TENM3: variants seen among roughly 807,000 people sequenced by gnomAD.
TENM3 encodes the protein teneurin transmembrane protein 3, also known as teneurin-3.
In TENM3, 63 loss-of-function variants were observed where a neutral mutation model predicts 255.1. The ratio of observed to expected loss-of-function variants is 0.25; its 90% CI spans 0.20 to 0.30. TENM3 has a LOEUF of 0.30. TENM3 is among the 10% of genes least tolerant of loss of function. TENM3 has a pLI of 1.00. For synonymous variants in TENM3, 1,306 were observed against 1,322.3 expected, an observed-to-expected ratio of 0.99 and a Z score of 0.27; for missense variants, 2,929 against 3,461.1, an observed-to-expected ratio of 0.85 and a Z score of 3.86.
chr4:181,987,285 G>A, the TENM3 span, among the ~76,000 whole-genome samples: 6 of 152,050 alleles, frequency 3.9e-5, no homozygotes, highest in Non-Finnish European at 8.8e-5. Context: ...TGGCAATCAG[G>A]AAATATGAAC....
chr4:182,779,052 CTTTTCT>C (rs1561241044), intron 24 of TENM3, among the ~76,000 whole-genome samples: 48 of 112,054 alleles, frequency 4.3e-4, no homozygotes, highest in African/African-American at 2.3e-3. Context: ...TTTTTTTTTC[CTTTTCT>C]TTTTTTTTTT....
At chr4:182,076,812 G>A in the TENM3 span, among the ~76,000 whole-genome samples, 6 of 152,150 alleles carry the variant, frequency 3.9e-5, no homozygotes, top group Admixed American at 6.5e-5. Context: ...AAAAGCAGCC[G>A]TAGACGAGAT....
At chr4:182,788,953 T>C in intron 24 of TENM3, 140 bp from the exon 25 acceptor site, 2 of 690,240 alleles carry the variant, frequency 2.9e-6, no homozygotes, top group Middle Eastern at 4.0e-4. Context: ...ATCTACTGCC[T>C]TGCACTTGTA....
chr4:182,155,582 T>C (rs1238360567), intron 1 of TENM3, among the ~76,000 whole-genome samples: 2 of 152,178 alleles, frequency 1.3e-5, no homozygotes, highest in African/African-American at 2.4e-5. Flanking sequence ...TAGACTTTCA[T>C]AATCTTTCAT....
At chr4:181,639,490 A>T in the TENM3 span, among the ~76,000 whole-genome samples, 1 of 152,120 alleles carries the variant, frequency 6.6e-6, no homozygotes, top group Non-Finnish European at 1.5e-5. Flanking sequence ...CTGTAATCCC[A>T]GCACTTTGGG....
At chr4:182,356,051 G>A (rs1765503018) in intron 3 of TENM3, among the ~76,000 whole-genome samples, 1 of 151,926 alleles carries the variant, frequency 6.6e-6, no homozygotes, top group African/African-American at 2.4e-5. Context: ...GAGGAGTGAA[G>A]CTAGAATCCT....
chr4:182,753,323 T>C (rs929408139), intron 20 of TENM3, 127 bp from the exon 21 acceptor site: 12 of 717,338 alleles, frequency 1.7e-5, no homozygotes, highest in African/African-American at 3.5e-5. Flanking sequence ...CAATCTGCAG[T>C]CCTACCTGCT....
At chr4:182,326,967 G>A (rs1561324897) in intron 2 of TENM3, among the ~76,000 whole-genome samples, 1 of 152,226 alleles carries the variant, frequency 6.6e-6, no homozygotes, top group Non-Finnish European at 1.5e-5. Flanking sequence ...ACGAGTGTGA[G>A]GGTGGCGTTG....
chr4:182,632,878 C>A (rs1179205276), intron 5 of TENM3, among the ~76,000 whole-genome samples: 4 of 151,752 alleles, frequency 2.6e-5, no homozygotes, highest in Admixed American at 2.6e-4. Context: ...CTTTAAATTT[C>A]TAGCTTTCAT....
intron 1 of TENM3, among the ~76,000 whole-genome samples, chr4:182,212,429 T>C (rs1755112072): frequency 1.3e-5 from 2 of 152,182 alleles, no homozygotes; most frequent in African/African-American, 4.8e-5. Context: ...CAGGCGCCCG[T>C]TGGCCACCTC....
At chr4:181,631,343 G>A in the TENM3 span, among the ~76,000 whole-genome samples, 1 of 151,880 alleles carries the variant, frequency 6.6e-6, no homozygotes. Flanking sequence ...AGGCAGGAGT[G>A]CAATGGCACA....
At chr4:182,347,209 A>G (rs6817597) in intron 3 of TENM3, among the ~76,000 whole-genome samples, 2,403 of 152,108 alleles carry the variant, frequency 0.016, 60 homozygotes, top group African/African-American at 0.055. Context: ...CAGGTTAATC[A>G]TCTACAGAAA....
At chr4:181,998,596 T>A in the TENM3 span, among the ~76,000 whole-genome samples, 1 of 152,038 alleles carries the variant, frequency 6.6e-6, no homozygotes, top group Non-Finnish European at 1.5e-5. Flanking sequence ...ATTGCAGAGG[T>A]TCTAGGGGAC....
At position 182,800,152 on chromosome 4, in the gene TENM3, C is replaced by A; in HGVS notation, c.7901C>A (p.Ala2634Glu). 6.9e-7 allele frequency: 1 copy of A among 1,450,916 alleles called. No individual in the cohort carries two copies. The allele number at this position is 1,450,916 out of a possible 1,614,324, so 89.9% of individuals were successfully genotyped here. A position where few individuals can be genotyped will look rare whatever the true frequency, so the allele number is the denominator to read the frequency against. ...CAGCGCGCGCTCGCCCGGGCCTGGG[C>A]GCGCGAGCAGCAGCGCGTGCGCGAC... ...ARQRALARAW[A>E]REQQRVRDGE... The change falls in exon 28 of 28, where the codon GCG (alanine) becomes GAG (glutamate). Residue 2634 changes from alanine (A) to glutamate (E), a missense_variant. By Grantham distance (107) the Ala-to-Glu change is moderately radical. Coordinates refer to ENST00000511685, the MANE Select transcript of TENM3 (RefSeq NM_001080477.4).
At chr4:182,650,897 TATATATATATATATATATATATATATAA>T (rs1317462856) in intron 5 of TENM3, among the ~76,000 whole-genome samples, 5 of 12,060 alleles carry the variant, frequency 4.1e-4, no homozygotes, top group Non-Finnish European at 6.1e-4. Flanking sequence ...AAAATATATA[TATATATATATATATATATATATATATAA>T]AACAAAGCTG....
At chr4:181,830,628 A>C in the TENM3 span, among the ~76,000 whole-genome samples, 3 of 151,738 alleles carry the variant, frequency 2.0e-5, no homozygotes, top group African/African-American at 7.3e-5. Flanking sequence ...CCTGTAAACT[A>C]GGGGAAATAA....
the TENM3 span, among the ~76,000 whole-genome samples, chr4:181,912,143 G>T: frequency 3.3e-5 from 5 of 152,324 alleles, no homozygotes; most frequent in African/African-American, 1.2e-4. Context: ...GCACTGGACT[G>T]ATCTTCAGCT....
chr4:182,773,267 G>C (rs552346621), intron 22 of TENM3, among the ~76,000 whole-genome samples: 2 of 152,140 alleles, frequency 1.3e-5, no homozygotes, highest in African/African-American at 4.8e-5. Flanking sequence ...CTGTTTACTC[G>C]TGTTCTCACC....
intron 1 of TENM3, among the ~76,000 whole-genome samples, chr4:182,168,275 C>A (rs1480176377): frequency 6.6e-6 from 1 of 152,110 alleles, no homozygotes; most frequent in Non-Finnish European, 1.5e-5. Context: ...GCTGGGACTA[C>A]AGGCATGTGC....
Sources: allele counts gnomAD v4.1 joint callset (sites outside exome capture counted in the v4.1 genomes callset), GRCh38; gene constraint gnomAD v4.1.1; transcripts MANE v1.5; gene names NCBI Gene and HGNC (gene_info 2026-07-23, HGNC 2026-07-21).